Variants in CDK19 observed in about 807,000 individuals in gnomAD.
CDK19 encodes the protein cyclin dependent kinase 19.
A neutral mutation model predicts 68.3 loss-of-function variants in CDK19; 20 were observed. That is an observed-to-expected ratio of 0.29 (90% CI 0.21 to 0.43). The LOEUF is 0.43. Among genes scored for constraint, CDK19 ranks in the 20% least tolerant of loss-of-function variants. The probability of loss-of-function intolerance (pLI) is 1.00; values close to 1 mark genes in which losing one functional copy is unlikely to be tolerated. For synonymous variants in CDK19, 221 were observed against 222.8 expected (o/e 0.99, Z 0.07); for missense variants, 339 against 623.5 (o/e 0.54, Z 4.86).
At chr6:110,713,137 C>T (rs199681578) in intron 2 of CDK19, among the ~76,000 whole-genome samples, 37 of 145,688 alleles carry the variant, frequency 2.5e-4, no homozygotes, top group East Asian at 1.1e-3. Flanking sequence ...TTGGAGGTTG[C>T]GGTGAGCCAA....
chr6:110,687,639 C>A (rs1203400795), intron 2 of CDK19, among the ~76,000 whole-genome samples: 1 of 152,166 alleles, frequency 6.6e-6, no homozygotes, highest in African/African-American at 2.4e-5. Flanking sequence ...TAAATGATTT[C>A]TTTTATACTA....
At chr6:110,710,478 C>T (rs971191283) in intron 2 of CDK19, among the ~76,000 whole-genome samples, 2 of 152,208 alleles carry the variant, frequency 1.3e-5, no homozygotes, top group Non-Finnish European at 2.9e-5. Context: ...TAATAATACC[C>T]TTTGTCTCAG....
At chr6:110,804,065 C>T (rs1023490658) in intron 1 of CDK19, among the ~76,000 whole-genome samples, 1 of 152,078 alleles carries the variant, frequency 6.6e-6, no homozygotes, top group African/African-American at 2.4e-5. Flanking sequence ...ATGGACTTAC[C>T]TTTCTGTCCA....
chr6:110,610,562 T>G lies in CDK19; in HGVS notation c.*3973A>C, dbSNP rs1777971452. 1 of 152,222 alleles carries G rather than the reference T, an allele frequency of 6.6e-6. No individual in the cohort carries two copies. Among genetic ancestry groups the G allele is most frequent in the Admixed American group, 6.6e-5 (1 of 15,264 alleles). The allele number at this position is 152,222 out of a possible 1,614,324, so 9.4% of individuals were successfully genotyped here. ...TAAGTATGGCCTTAGGTACAACACG[T>G]TTTTTAAAAACCCTAAAACAATGAA... On this transcript the variant is annotated 3_prime_UTR_variant, in exon 13 of 13. Transcript: ENST00000368911.
chr6:110,699,677 T>A (rs1374096503), intron 2 of CDK19, among the ~76,000 whole-genome samples: 2 of 152,124 alleles, frequency 1.3e-5, no homozygotes, highest in Non-Finnish European at 2.9e-5. Flanking sequence ...CACTATATAA[T>A]TCATCCATGT....
intron 4 of CDK19, among the ~76,000 whole-genome samples, chr6:110,644,714 CATG>C (rs1780437100): frequency 2.0e-5 from 3 of 151,968 alleles, no homozygotes; most frequent in Admixed American, 2.0e-4. Context: ...AACAGAAAGC[CATG>C]ATGTTTTTAA....
intron 2 of CDK19, among the ~76,000 whole-genome samples, chr6:110,731,469 T>C (rs1474702399): frequency 2.6e-5 from 4 of 152,154 alleles, no homozygotes; most frequent in African/African-American, 7.2e-5. Context: ...TGACTACTAC[T>C]GGGTACAGAG....
chr6:110,771,987 A>G (rs1379385813), intron 1 of CDK19, among the ~76,000 whole-genome samples: 1 of 152,222 alleles, frequency 6.6e-6, no homozygotes, highest in African/African-American at 2.4e-5. Context: ...AAAGCCACTC[A>G]ACAAGTCTCT....
intron 12 of CDK19, among the ~76,000 whole-genome samples, chr6:110,619,570 G>A (rs1484166895): frequency 6.6e-6 from 1 of 151,626 alleles, no homozygotes; most frequent in African/African-American, 2.4e-5. Flanking sequence ...TGTCCTTGGA[G>A]AATCCTGTTA....
chr6:110,756,389 C>CAA (rs746628617), intron 1 of CDK19, among the ~76,000 whole-genome samples: 15 of 99,706 alleles, frequency 1.5e-4, no homozygotes, highest in Non-Finnish European at 2.1e-4. Context: ...GACTCTGTCT[C>CAA]AAAAAAAAAA....
rs1156556823 is a variant in CDK19 at position 110,638,090 on chromosome 6, G to A, written c.514+559C>T. On this transcript the variant is annotated intron_variant, in intron 5 of 12. Coordinates refer to ENST00000368911, the MANE Select transcript of CDK19 (RefSeq NM_015076.5). The stretch of plus-strand genomic sequence containing the variant: ...TTTTAGAACATTCAGGATTATAAAG[G>A]AAATCTTAATATACAAATAAGAATC... Among the ~76,000 whole-genome samples, 3 of 152,026 alleles carry A rather than the reference G, an allele frequency of 2.0e-5. No homozygotes were observed. In the South Asian group the frequency reaches 6.2e-4, roughly 31 times the overall value.
chr6:110,783,630 T>C (rs1421941789), intron 1 of CDK19, among the ~76,000 whole-genome samples: 2 of 148,324 alleles, frequency 1.3e-5, no homozygotes, highest in Non-Finnish European at 3.0e-5. Context: ...AGAGTGAGAT[T>C]CTGTCTCAAA....
intron 4 of CDK19, among the ~76,000 whole-genome samples, chr6:110,650,717 C>T (rs920734272): frequency 8.6e-5 from 13 of 151,972 alleles, no homozygotes; most frequent in African/African-American, 2.7e-4. Context: ...CAAAGCAAAA[C>T]GGGGGATATC....
At chr6:110,714,722 C>CTTTCTTT (rs1562225065) in intron 2 of CDK19, among the ~76,000 whole-genome samples, 16 of 69,838 alleles carry the variant, frequency 2.3e-4, no homozygotes, top group Non-Finnish European at 2.8e-4. Context: ...AATGTCTTTT[C>CTTTCTTT]TTTTTTTTTT....
chr6:110,688,271 G>A (rs890739054), intron 2 of CDK19, among the ~76,000 whole-genome samples: 14 of 151,690 alleles, frequency 9.2e-5, no homozygotes, highest in South Asian at 2.1e-4. Context: ...CCTGGGAGCC[G>A]GAGTCGTGCC....
rs543319226 is a variant in CDK19, at chr6:110,626,907, TGTTA to T, written c.791-66_791-63del. ...GTGTTAATTTAAAATCTCCTAATTA[TGTTA>T]GTTTATAAATATACATTAAAATATG... On this transcript the variant is annotated intron_variant, in intron 7 of 12. Transcript: ENST00000368911. 1.2e-3 allele frequency: 1,592 copies of T among 1,377,644 alleles called. 2 individuals are homozygous for T. Among genetic ancestry groups the T allele is most frequent in the Admixed American group, 3.0e-3 (147 of 48,770 alleles). 85.3% of individuals were successfully genotyped at this position (1,377,644 alleles called of 1,614,324 possible). A position where few individuals can be genotyped will look rare whatever the true frequency, so the allele number is the denominator to read the frequency against.
At position 110,779,643 on chromosome 6, in the gene CDK19, C is replaced by T. The variant is rs556898044; in HGVS notation, c.129-33442G>A. ...GTACTTCAAAGACCTTGGCTGGGCA[C>T]GGTGCCTCACGCCTGTAATCCCAGC... is the stretch of plus-strand genomic sequence containing the variant. On this transcript the variant is annotated intron_variant, in intron 1 of 12. Transcript: ENST00000368911. Among the ~76,000 whole-genome samples, 8 of 152,280 alleles carry T rather than the reference C, an allele frequency of 5.3e-5. No individual in the cohort carries two copies. The East Asian group carries it at 1.2e-3, about 22-fold the overall frequency.
At chr6:110,641,650 G>A (rs2462485) in intron 4 of CDK19, among the ~76,000 whole-genome samples, 22,761 of 79,006 alleles carry the variant, frequency 0.29, 2,119 homozygotes, top group East Asian at 0.55. Flanking sequence ...GGAAAGAAAG[G>A]AAGGAAGGAA....
intron 2 of CDK19, among the ~76,000 whole-genome samples, chr6:110,734,268 C>T (rs950220247): frequency 2.0e-5 from 3 of 152,086 alleles, no homozygotes; most frequent in Admixed American, 2.0e-4. Flanking sequence ...CCTCAGCCTC[C>T]GAAAGTGCTG....
Sources: allele counts gnomAD v4.1 joint callset (sites outside exome capture counted in the v4.1 genomes callset), GRCh38; gene constraint gnomAD v4.1.1; transcripts MANE v1.5; gene names NCBI Gene and HGNC (gene_info 2026-07-23, HGNC 2026-07-21).